Variants in ATP6V0A2 observed in about 807,000 individuals in gnomAD.
ATP6V0A2 encodes the protein V-type proton ATPase 116 kDa subunit a 2.
ATP6V0A2 carries 58 observed loss-of-function variants against 104.4 expected under a neutral mutation model. That is an observed-to-expected ratio of 0.56 (90% CI 0.45 to 0.69). ATP6V0A2 has a LOEUF of 0.69. Among genes scored for constraint, ATP6V0A2 ranks in the 30% least tolerant of loss-of-function variants. ATP6V0A2 has a pLI of 0.00. For synonymous variants in ATP6V0A2, 376 were observed against 397.9 expected, an observed-to-expected ratio of 0.95 and a Z score of 0.65; for missense variants, 938 against 1,062.9, an observed-to-expected ratio of 0.88 and a Z score of 1.63.
At chr12:123,730,489 G>A (rs758567580) in intron 6 of ATP6V0A2, among the ~76,000 whole-genome samples, 8 of 152,134 alleles carry the variant, frequency 5.3e-5, no homozygotes, top group Non-Finnish European at 8.8e-5. Context: ...AATCTAATCC[G>A]TTTGAAATCT....
chr12:123,715,703 G>A (rs914889139), intron 1 of ATP6V0A2, among the ~76,000 whole-genome samples: 5 of 152,192 alleles, frequency 3.3e-5, no homozygotes, highest in African/African-American at 9.6e-5. Context: ...TACCTTGCAT[G>A]ATCCCAACGC....
Position 123,744,900 on chromosome 12 carries a change from C to A in ATP6V0A2, c.1533C>A (p.His511Gln). ...MVLWNDSVVR[H>Q]NSILQLDPSI... The stretch of plus-strand genomic sequence containing the variant: ...GTTACAGTGACAGCGTCGTTAGACA[C>A]AACAGCATTTTGCAGCTGGATCCAA... Residue 511 changes from histidine to glutamine, a missense_variant, in exon 13 of 20, where the codon CAC (histidine) becomes CAA (glutamine). Physicochemically the swap from His to Gln is conservative, Grantham distance 24 (BLOSUM62 0). Transcript: ENST00000330342. The surrounding 1 kb of genome is among the most constrained non-coding windows in gnomAD (Gnocchi z 5.4). 1 of 1,614,192 alleles carries A rather than the reference C, an allele frequency of 6.2e-7. No homozygotes were observed. Among genetic ancestry groups the A allele is most frequent in the Non-Finnish European group, 8.5e-7 (1 of 1,180,032 alleles).
chr12:123,747,676 G>A lies in ATP6V0A2; in HGVS notation c.1675G>A (p.Gly559Arg). The A allele has an allele frequency of 6.2e-7, 1 of 1,613,442 alleles. No individual in the cohort carries two copies. Among genetic ancestry groups the A allele is most frequent in the Non-Finnish European group, 8.5e-7 (1 of 1,179,418 alleles). ...CAAAATGAAAATGTCCGTGATTTTA[G>A]GAATCATTCATATGACTTTTGGAGT... ...SFKMKMSVIL[G>R]IIHMTFGVIL... is the part of the protein sequence containing the mutation. Residue 559 changes from glycine to arginine, a missense_variant, in exon 14 of 20, where the codon GGA becomes AGA. Physicochemically the swap from Gly to Arg is moderately radical, Grantham distance 125. Transcript: ENST00000330342.
At chr12:123,755,171 G>T (rs1956751388) in intron 18 of ATP6V0A2, among the ~76,000 whole-genome samples, 1 of 152,174 alleles carries the variant, frequency 6.6e-6, no homozygotes, top group South Asian at 2.1e-4. Flanking sequence ...CACCAGTGGT[G>T]CTCGGCAATG....
chr12:123,727,382 G>A (rs1956458267), intron 5 of ATP6V0A2, among the ~76,000 whole-genome samples: 1 of 151,540 alleles, frequency 6.6e-6, no homozygotes, highest in African/African-American at 2.4e-5. Context: ...AGGTTCAAGC[G>A]ATTCTCCTGC....
At chr12:123,735,003 TG>T in intron 7 of ATP6V0A2, among the ~76,000 whole-genome samples, 1 of 152,278 alleles carries the variant, frequency 6.6e-6, no homozygotes, top group African/African-American at 2.4e-5. Flanking sequence ...CATATGAAGG[TG>T]GTCCGGGAAT....
chr12:123,722,061 A>G (rs1956405260), intron 2 of ATP6V0A2, among the ~76,000 whole-genome samples: 1 of 152,208 alleles, frequency 6.6e-6, no homozygotes, highest in Admixed American at 6.5e-5. Context: ...AATTTCAGAA[A>G]AGGTTTATCC....
chr12:123,757,203 G>A (rs945608855), intron 19 of ATP6V0A2, among the ~76,000 whole-genome samples: 2 of 152,192 alleles, frequency 1.3e-5, no homozygotes, highest in African/African-American at 4.8e-5. Flanking sequence ...CACTTTGGGA[G>A]GCCAAGGCAG....
intron 13 of ATP6V0A2, among the ~76,000 whole-genome samples, chr12:123,746,941 A>AAT (rs1956668689): frequency 6.6e-6 from 1 of 152,040 alleles, no homozygotes; most frequent in Non-Finnish European, 1.5e-5. Flanking sequence ...AAAAAAAAAA[A>AAT]ATTATCTTAA....
chr12:123,717,572 G>A (rs889644804), intron 1 of ATP6V0A2, among the ~76,000 whole-genome samples: 3 of 151,468 alleles, frequency 2.0e-5, no homozygotes, highest in African/African-American at 7.3e-5. Flanking sequence ...AGCCTTCTGA[G>A]CAACTGGGAC....
chr12:123,753,616 C>A (rs540457384), intron 17 of ATP6V0A2, among the ~76,000 whole-genome samples: 4 of 152,336 alleles, frequency 2.6e-5, no homozygotes, highest in South Asian at 4.1e-4. Context: ...AGTCACATTG[C>A]GGTTAGGGCT....
At chr12:123,716,336 G>A (rs1013090744) in intron 1 of ATP6V0A2, among the ~76,000 whole-genome samples, 2 of 151,716 alleles carry the variant, frequency 1.3e-5, no homozygotes, top group Non-Finnish European at 2.9e-5. Flanking sequence ...CAGAGTGCTG[G>A]GATTACAAGC....
intron 2 of ATP6V0A2, chr12:123,721,533 G>T (rs777973821): frequency 5.5e-6 from 1 of 182,010 alleles, no homozygotes; most frequent in East Asian, 1.3e-4. Flanking sequence ...CTGCAGGTGT[G>T]GTCTGAGGTG....
At chr12:123,742,579 A>G (rs974045930) in intron 9 of ATP6V0A2, among the ~76,000 whole-genome samples, 1 of 152,104 alleles carries the variant, frequency 6.6e-6, no homozygotes. Flanking sequence ...GCTCACTCCT[A>G]TAATCCCAGC....
chr12:123,729,005 G>GTCGTGGTCCCTCTGAT (rs1410633423), intron 6 of ATP6V0A2, among the ~76,000 whole-genome samples: 4 of 136,474 alleles, frequency 2.9e-5, no homozygotes, highest in Admixed American at 7.7e-5. Flanking sequence ...CTTGATTAAG[G>GTCGTGGTCCCTCTGAT]CACTTCTCTT....
Position 123,744,115 on chromosome 12 carries a change from A to T in ATP6V0A2, c.1190-86A>T. The T allele has an allele frequency of 6.3e-7, 1 of 1,578,444 alleles. No homozygotes were observed. The highest frequency in any genetic ancestry group is 8.7e-7 in the Non-Finnish European group (1 of 1,148,968). On this transcript the variant is annotated intron_variant, in intron 10 of 19. Coordinates refer to ENST00000330342, the MANE Select transcript of ATP6V0A2 (RefSeq NM_012463.4). This position sits in a 1 kb window ranked among gnomAD's most constrained non-coding sequence, Gnocchi z 5.4. ...ATCTTGTGAATTCTGGAGAAAGTCA[A>T]GATTGTTATGTATCATTGTGTTTGA...
chr12:123,722,543 C>G, intron 3 of ATP6V0A2, 95 bp downstream of exon 3: 1 of 797,498 alleles, frequency 1.3e-6, no homozygotes, highest in Non-Finnish European at 2.2e-6. Flanking sequence ...TGCCTTTCTT[C>G]TCAAAACTAT....
rs938907063 is a variant in ATP6V0A2, at chr12:123,759,221, C to T, written c.*1189C>T. On this transcript the variant is annotated 3_prime_UTR_variant, in exon 20 of 20. Coordinates refer to ENST00000330342, the MANE Select transcript of ATP6V0A2 (RefSeq NM_012463.4). ...AAGATATTTTACCATGAAGAGATTG[C>T]ACTTATCCTTGAGAACAGTCTAAAT... 3 of 151,236 alleles carry T rather than the reference C, an allele frequency of 2.0e-5. No homozygotes were observed. Among genetic ancestry groups the T allele is most frequent in the East Asian group, 3.9e-4 (2 of 5,190 alleles). 9.4% of individuals were successfully genotyped at this position (151,236 alleles called of 1,614,324 possible).
intron 9 of ATP6V0A2, 70 bp from the exon 10 acceptor site, chr12:123,743,715 A>G: frequency 6.3e-7 from 1 of 1,579,320 alleles, no homozygotes; most frequent in Non-Finnish European, 8.7e-7. Flanking sequence ...AGTAACCCAG[A>G]TTCGTTGAAT....
Sources: allele counts gnomAD v4.1 joint callset (sites outside exome capture counted in the v4.1 genomes callset), GRCh38; gene constraint gnomAD v4.1.1; non-coding constraint Gnocchi (gnomAD v3.1); transcripts MANE v1.5; gene names NCBI Gene and HGNC (gene_info 2026-07-23, HGNC 2026-07-21).